The following HECA variants were observed in gnomAD, a reference collection of about 807,000 sequenced individuals.
HECA encodes the protein headcase protein homolog.
Under a neutral mutation model 37.6 loss-of-function variants are expected in HECA, and 13 were observed. That is an observed-to-expected ratio of 0.35 (90% CI 0.23 to 0.55). The LOEUF is 0.55. Among genes scored for constraint, HECA ranks in the 20% least tolerant of loss-of-function variants. HECA has a pLI of 0.90. For missense variants in HECA, 527 were observed against 701.9 expected, an observed-to-expected ratio of 0.75 and a Z score of 2.82; for synonymous variants, 307 against 291.5, an observed-to-expected ratio of 1.05 and a Z score of -0.54.
chr6:139,158,501 T>TTA (rs1351465771), intron 1 of HECA, among the ~76,000 whole-genome samples: 1 of 55,374 alleles, frequency 1.8e-5, no homozygotes, highest in Non-Finnish European at 3.5e-5. Context: ...AGATTCCATC[T>TTA]CAAAAAAAAA....
intron 1 of HECA, chr6:139,144,334 A>G (rs1428308003): frequency 6.6e-6 from 1 of 152,262 alleles, no homozygotes; most frequent in Non-Finnish European, 1.5e-5. Flanking sequence ...CATGGAAACA[A>G]CAGGAGCCAT....
chr6:139,145,235 CT>C (rs1774569350), intron 1 of HECA, among the ~76,000 whole-genome samples: 1 of 152,170 alleles, frequency 6.6e-6, no homozygotes, highest in East Asian at 1.9e-4. Context: ...TAGCAACTTG[CT>C]TTATTTAATC....
chr6:139,172,122 C>T (rs750122121), intron 2 of HECA, among the ~76,000 whole-genome samples: 4 of 152,100 alleles, frequency 2.6e-5, no homozygotes, highest in South Asian at 2.1e-4. Context: ...TGAGCCACTG[C>T]GCCCAGCCCT....
intron 1 of HECA, among the ~76,000 whole-genome samples, chr6:139,141,585 G>A (rs1000753114): frequency 1.4e-4 from 22 of 152,250 alleles, no homozygotes; most frequent in Admixed American, 1.2e-3. Flanking sequence ...ATTTCTCACA[G>A]TTCTAGAAGC....
In HECA at chr6:139,178,283, GCATTCCAAAATA is replaced by G. The variant is rs1775079731; in HGVS notation, c.*1181_*1192del. On this transcript the variant is annotated 3_prime_UTR_variant, in exon 4 of 4. Transcript: ENST00000367658. ...AGAACTTGATTAGTCAGAGCATTGG[GCATTCCAAAATA>G]CAGCCTTTGGTTCAGTAGATTTTAA... The G allele has an allele frequency of 6.6e-6, 1 of 152,092 alleles. No individual in the cohort carries two copies. The highest frequency in any genetic ancestry group is 1.5e-5 in the Non-Finnish European group (1 of 68,032). The allele number at this position is 152,092 out of a possible 1,614,324, so 9.4% of individuals were successfully genotyped here.
chr6:139,141,070 G>A (rs1040764022), intron 1 of HECA, among the ~76,000 whole-genome samples: 2 of 152,164 alleles, frequency 1.3e-5, no homozygotes, highest in Admixed American at 6.5e-5. Flanking sequence ...GATTACAGGC[G>A]TGAGCCAGCG....
intron 1 of HECA, among the ~76,000 whole-genome samples, chr6:139,141,919 A>ATT (rs11345845): frequency 4.1e-5 from 2 of 48,774 alleles, no homozygotes; most frequent in Admixed American, 2.4e-4. Context: ...TGCCCAGCTA[A>ATT]TTTTTTTTTT....
chr6:139,176,980 G>A lies in HECA; in HGVS notation c.1507G>A (p.Asp503Asn). The A allele has an allele frequency of 1.1e-6, 1 of 872,724 alleles. No homozygotes were observed. The highest frequency in any genetic ancestry group is 1.3e-5 in the South Asian group (1 of 76,502). The allele number at this position is 872,724 out of a possible 1,614,324, so 54.1% of individuals were successfully genotyped here. Residue 503 changes from aspartate (D) to asparagine (N), a missense_variant, in exon 4 of 4, where the codon GAC (aspartate) becomes AAC (asparagine). Transcript: ENST00000367658. This position sits in a 1 kb window ranked among gnomAD's most constrained non-coding sequence, Gnocchi z 4.5. ...TAAGCACTGTGGGAAGCCGGTGATC[G>A]ACGTGAGGATCGGGATGCAGTACTT... Reference protein sequence around the residue: ...NCKHCGKPVIDVRIGMQYFSE... With the variant: ...NCKHCGKPVINVRIGMQYFSE...
intron 1 of HECA, among the ~76,000 whole-genome samples, chr6:139,146,590 T>G (rs1774585989): frequency 6.6e-6 from 1 of 152,194 alleles, no homozygotes; most frequent in South Asian, 2.1e-4. Flanking sequence ...GCGGGTACAA[T>G]CTGTAATCTG....
At chr6:139,144,748 G>A (rs561234347) in intron 1 of HECA, 126 of 152,336 alleles carry the variant, frequency 8.3e-4, no homozygotes, top group African/African-American at 2.9e-3. Flanking sequence ...ATTGGAGGTG[G>A]AGCCTGCCAT....
intron 1 of HECA, among the ~76,000 whole-genome samples, chr6:139,154,475 C>T (rs539259146): frequency 7.2e-4 from 110 of 152,350 alleles, no homozygotes; most frequent in African/African-American, 1.8e-3. Flanking sequence ...GACATCATAT[C>T]ACCTATTATC....
chr6:139,140,679 C>T (rs1281174334), intron 1 of HECA, among the ~76,000 whole-genome samples: 1 of 152,196 alleles, frequency 6.6e-6, no homozygotes, highest in Non-Finnish European at 1.5e-5. Flanking sequence ...CTTAATCCTC[C>T]TATGAGTTTA....
intron 1 of HECA, chr6:139,144,255 A>G (rs1006704172): frequency 2.6e-5 from 4 of 152,198 alleles, no homozygotes; most frequent in African/African-American, 9.6e-5. Context: ...GAGAAGTACA[A>G]TGTTAAATTA....
rs1052259737 is a variant in HECA at position 139,172,042 on chromosome 6, G to A, written c.1313-2343G>A. Among the ~76,000 whole-genome samples the A allele has an allele frequency of 3.3e-5, 5 of 152,196 alleles. No individual in the cohort carries two copies. The East Asian group carries it at 9.7e-4, about 29-fold the overall frequency. On this transcript the variant is annotated intron_variant, in intron 2 of 3. Transcript: ENST00000367658. The stretch of plus-strand genomic sequence containing the variant: ...GATGGGGTTTCACCATGTTGGCCAG[G>A]CTGGTCTCAAACTCCTAACCTCTGG...
At chr6:139,163,734 ATCT>A (rs1173695028) in intron 1 of HECA, among the ~76,000 whole-genome samples, 2 of 152,094 alleles carry the variant, frequency 1.3e-5, no homozygotes, top group Non-Finnish European at 2.9e-5. Flanking sequence ...CTGCAGGGGA[ATCT>A]TCTCCTCCAG....
At chr6:139,166,184 T>A in intron 1 of HECA, 100 bp from the exon 2 acceptor site, 1 of 928,956 alleles carries the variant, frequency 1.1e-6, no homozygotes. Flanking sequence ...TTCATTATAT[T>A]CATGTCTTAG....
At chr6:139,136,538 G>A (rs1774447833) in intron 1 of HECA, among the ~76,000 whole-genome samples, 1 of 151,844 alleles carries the variant, frequency 6.6e-6, no homozygotes, top group African/African-American at 2.4e-5. Flanking sequence ...AGACAACGTA[G>A]GTATTTTAAT....
chr6:139,149,271 T>A (rs1178993186), intron 1 of HECA, among the ~76,000 whole-genome samples: 1 of 152,158 alleles, frequency 6.6e-6, no homozygotes, highest in Non-Finnish European at 1.5e-5. Flanking sequence ...AGTGTGAGAT[T>A]TGGGAGACAC....
chr6:139,171,507 A>G (rs1774972551), intron 2 of HECA, among the ~76,000 whole-genome samples: 1 of 152,242 alleles, frequency 6.6e-6, no homozygotes, highest in South Asian at 2.1e-4. Context: ...TTGACCACAT[A>G]TCAGCATTTT....
Sources: allele counts gnomAD v4.1 joint callset (sites outside exome capture counted in the v4.1 genomes callset), GRCh38; gene constraint gnomAD v4.1.1; non-coding constraint Gnocchi (gnomAD v3.1); transcripts MANE v1.5; gene names NCBI Gene and HGNC (gene_info 2026-07-23, HGNC 2026-07-21).